The following COL26A1 variants were observed in gnomAD, a reference collection of about 807,000 sequenced individuals.
The protein encoded by COL26A1 is collagen alpha-1(XXVI) chain.
Under a neutral mutation model 59.3 loss-of-function variants are expected in COL26A1, and 41 were observed. The observed-to-expected ratio is 0.69, with a 90% CI of 0.54 to 0.90. The LOEUF (loss-of-function observed/expected upper bound fraction) is 0.90. Ranked by LOEUF, COL26A1 falls within the 40% of genes least tolerant of loss-of-function variation. COL26A1 has a pLI of 0.00. For synonymous variants in COL26A1, 266 were observed against 256.0 expected, an observed-to-expected ratio of 1.04 and a Z score of -0.37; for missense variants, 612 against 602.3, an observed-to-expected ratio of 1.02 and a Z score of -0.17.
intron 2 of COL26A1, among the ~76,000 whole-genome samples, chr7:101,443,966 G>A (rs1318683833): frequency 6.6e-6 from 1 of 150,868 alleles, no homozygotes; most frequent in Non-Finnish European, 1.5e-5. Context: ...AAAACTCCTG[G>A]GCTCCAGTGA....
chr7:101,385,231 C>CTATA (rs1195666668), intron 1 of COL26A1, among the ~76,000 whole-genome samples: 20 of 58,042 alleles, frequency 3.4e-4, no homozygotes, highest in Non-Finnish European at 6.7e-4. Flanking sequence ...CACACACACA[C>CTATA]TATATATATA....
At chr7:101,490,018 CCT>C (rs1794423491) in intron 3 of COL26A1, among the ~76,000 whole-genome samples, 5 of 150,122 alleles carry the variant, frequency 3.3e-5, no homozygotes, top group Non-Finnish European at 7.4e-5. Context: ...CTCACTGCAA[CCT>C]CCGCCTCCCA....
intron 3 of COL26A1, among the ~76,000 whole-genome samples, chr7:101,472,938 G>A (rs573383685): frequency 6.6e-6 from 1 of 152,272 alleles, no homozygotes; most frequent in African/African-American, 2.4e-5. Flanking sequence ...CCTGAGCCTT[G>A]CTGTGCCTTT....
chr7:101,377,980 A>G (rs1398014992), intron 1 of COL26A1, among the ~76,000 whole-genome samples: 1 of 152,168 alleles, frequency 6.6e-6, no homozygotes, highest in Non-Finnish European at 1.5e-5. Flanking sequence ...ATCACAGGTC[A>G]CTGCAGCCTC....
chr7:101,378,746 C>A (rs1471069850), intron 1 of COL26A1, among the ~76,000 whole-genome samples: 1 of 152,062 alleles, frequency 6.6e-6, no homozygotes, highest in Non-Finnish European at 1.5e-5. Context: ...AATTTGATCT[C>A]CCACCCCCTT....
rs567304298 is a variant in COL26A1, at chr7:101,413,493, T to A, written c.159-6484T>A. On this transcript the variant is annotated intron_variant, in intron 1 of 12. Coordinates refer to ENST00000313669, the MANE Select transcript of COL26A1 (RefSeq NM_001278563.3). ...GAGATCATGCCATCGCACTCCAGCC[T>A]GGGCCACAAGAGTAAAACTCCATCT... Among the ~76,000 whole-genome samples, 4 of 150,296 alleles carry A rather than the reference T, an allele frequency of 2.7e-5. No homozygotes were observed. The Admixed American group carries it at 2.7e-4, about 10-fold the overall frequency.
intron 3 of COL26A1, among the ~76,000 whole-genome samples, chr7:101,516,009 T>C (rs993900413): frequency 2.0e-5 from 3 of 152,222 alleles, no homozygotes; most frequent in Non-Finnish European, 4.4e-5. Flanking sequence ...TCGTGCCCCC[T>C]GTGGAACTGA....
At chr7:101,409,505 C>G (rs1792196615) in intron 1 of COL26A1, among the ~76,000 whole-genome samples, 1 of 152,116 alleles carries the variant, frequency 6.6e-6, no homozygotes, top group African/African-American at 2.4e-5. Context: ...ATTCATTTGC[C>G]AGGGCTGCCA....
chr7:101,456,643 A>T (rs1210549981), intron 3 of COL26A1, among the ~76,000 whole-genome samples: 1 of 152,054 alleles, frequency 6.6e-6, no homozygotes, highest in African/African-American at 2.4e-5. Context: ...CACCTCGGCA[A>T]CAAGAGCAAA....
At chr7:101,461,464 A>C (rs1344486431) in intron 3 of COL26A1, among the ~76,000 whole-genome samples, 4 of 151,890 alleles carry the variant, frequency 2.6e-5, no homozygotes, top group African/African-American at 9.7e-5. Context: ...ACACCCGGGT[A>C]ATTTTGTATT....
chr7:101,386,273 T>TTTTTTTTTGTTTTTTTAA (rs529132854), intron 1 of COL26A1, among the ~76,000 whole-genome samples: 73 of 149,004 alleles, frequency 4.9e-4, no homozygotes, highest in African/African-American at 1.8e-3. Flanking sequence ...TTTTTTTTTT[T>TTTTTTTTTGTTTTTTTAA]TTTTTTTAAT....
At chr7:101,489,433 A>ACAGGAACAGGGTCCTGATCCAGACGC (rs1385646967) in intron 3 of COL26A1, among the ~76,000 whole-genome samples, 1 of 152,186 alleles carries the variant, frequency 6.6e-6, no homozygotes, top group Admixed American at 6.5e-5. Flanking sequence ...GGCTCATGTT[A>ACAGGAACAGGGTCCTGATCCAGACGC]CAGGAACAGG....
At position 101,558,860 on chromosome 7, in the gene COL26A1, T is replaced by G. The variant is rs1282940788; in HGVS notation, c.*1330T>G. The G allele has an allele frequency of 6.6e-6, 1 of 152,274 alleles. No individual in the cohort carries two copies. The highest frequency in any genetic ancestry group is 1.5e-5 in the Non-Finnish European group (1 of 68,108). 9.4% of individuals were successfully genotyped at this position (152,274 alleles called of 1,614,324 possible). ...CTGTCTCCAGTGCTCTTGGTACTCC[T>G]GTTTGGCTGTGGCCTGGTCCCTCTG... On this transcript the variant is annotated 3_prime_UTR_variant, in exon 13 of 13. Coordinates refer to ENST00000313669, the MANE Select transcript of COL26A1 (RefSeq NM_001278563.3).
At chr7:101,489,656 TC>T (rs1563007258) in intron 3 of COL26A1, among the ~76,000 whole-genome samples, 4 of 67,432 alleles carry the variant, frequency 5.9e-5, no homozygotes, top group African/African-American at 3.8e-4. Flanking sequence ...TTTCTTTCTT[TC>T]TTTCTTCCTT....
At chr7:101,456,776 G>A (rs1321706514) in intron 3 of COL26A1, among the ~76,000 whole-genome samples, 3 of 152,098 alleles carry the variant, frequency 2.0e-5, no homozygotes, top group African/African-American at 4.8e-5. Flanking sequence ...TCGGCCTCCC[G>A]AAGTGCTGGG....
intron 5 of COL26A1, among the ~76,000 whole-genome samples, chr7:101,541,170 C>T (rs1795609348): frequency 6.6e-6 from 1 of 152,104 alleles, no homozygotes; most frequent in Non-Finnish European, 1.5e-5. Flanking sequence ...GGCTTCTGCA[C>T]TTATGGCCCC....
intron 2 of COL26A1, among the ~76,000 whole-genome samples, chr7:101,423,845 C>T (rs1469287672): frequency 1.3e-5 from 2 of 152,174 alleles, no homozygotes; most frequent in East Asian, 1.9e-4. Context: ...TCAGTCAGGG[C>T]TGACATGAAT....
chr7:101,467,290 C>G (rs2130448837), intron 3 of COL26A1, among the ~76,000 whole-genome samples: 1 of 151,722 alleles, frequency 6.6e-6, no homozygotes, highest in East Asian at 1.9e-4. Flanking sequence ...GAAAAGAGAA[C>G]AGCCCTCCCT....
intron 3 of COL26A1, among the ~76,000 whole-genome samples, chr7:101,495,442 T>G (rs1794564370): frequency 6.6e-6 from 1 of 150,878 alleles, no homozygotes; most frequent in African/African-American, 2.4e-5. Flanking sequence ...GGAGTCTCGC[T>G]CTGTCGCCCA....
Sources: allele counts gnomAD v4.1 joint callset (sites outside exome capture counted in the v4.1 genomes callset), GRCh38; gene constraint gnomAD v4.1.1; transcripts MANE v1.5; gene names NCBI Gene and HGNC (gene_info 2026-07-23, HGNC 2026-07-21).